The following MPHOSPH8 variants were observed in gnomAD, a reference collection of about 807,000 sequenced individuals.
The protein encoded by MPHOSPH8 is M-phase phosphoprotein 8.
Under a neutral mutation model 87.3 loss-of-function variants are expected in MPHOSPH8, and 45 were observed. The ratio of observed to expected loss-of-function variants is 0.52; its 90% CI spans 0.41 to 0.66. The LOEUF is 0.66. MPHOSPH8 is among the 30% of genes least tolerant of loss of function. MPHOSPH8 has a pLI of 0.00. For missense variants in MPHOSPH8, 883 were observed against 1,020.2 expected (o/e 0.87, Z 1.83); for synonymous variants, 366 against 376.9 (o/e 0.97, Z 0.33).
At chr13:19,650,286 T>G (rs907348598) in intron 5 of MPHOSPH8, 26 bp downstream of exon 5, 2 of 1,605,286 alleles carry the variant, frequency 1.2e-6, no homozygotes, top group African/African-American at 2.7e-5. Context: ...TTTTGCAGAA[T>G]TTTTCAAGGT....
rs189564435 is a variant in MPHOSPH8 at position 19,669,707 on chromosome 13, A to C, written c.2330-529A>C. Reference sequence around the variant, plus strand: ...TGTTCTTAGTAGAGATGGGGGTTTCACCATATTGGCCAGGCTGATCTTGAA... The same window carrying C: ...TGTTCTTAGTAGAGATGGGGGTTTCCCCATATTGGCCAGGCTGATCTTGAA... On this transcript the variant is annotated intron_variant, in intron 11 of 13. Transcript: ENST00000361479. Among the ~76,000 whole-genome samples the C allele has an allele frequency of 5.0e-4, 75 of 151,228 alleles. 2 individuals are homozygous for C. The East Asian group carries it at 0.014, about 28-fold the overall frequency.
chr13:19,653,925 C>T (rs550234713), intron 5 of MPHOSPH8, among the ~76,000 whole-genome samples: 2 of 152,272 alleles, frequency 1.3e-5, no homozygotes, highest in African/African-American at 2.4e-5. Flanking sequence ...ACCAAATCTA[C>T]GTTTAATTAG....
At chr13:19,656,652 C>T (rs1238709428) in intron 5 of MPHOSPH8, among the ~76,000 whole-genome samples, 2 of 151,300 alleles carry the variant, frequency 1.3e-5, no homozygotes, top group South Asian at 2.1e-4. Context: ...CCCAGCTACT[C>T]GGGAGGCTGA....
intron 5 of MPHOSPH8, 147 bp downstream of exon 5, chr13:19,650,407 A>G (rs953827796): frequency 2.4e-5 from 22 of 921,732 alleles, no homozygotes; most frequent in Admixed American, 9.0e-5. Context: ...AACATTTTAT[A>G]TTGAAGACGG....
chr13:19,666,853 A>C (rs555031569), intron 10 of MPHOSPH8, among the ~76,000 whole-genome samples: 101 of 152,286 alleles, frequency 6.6e-4, no homozygotes, highest in Non-Finnish European at 1.2e-3. Flanking sequence ...TTGGTTAGCA[A>C]AGGTTTTCTT....
chr13:19,636,534 A>G, intron 1 of MPHOSPH8, among the ~76,000 whole-genome samples: 1 of 150,736 alleles, frequency 6.6e-6, no homozygotes, highest in East Asian at 2.0e-4. Flanking sequence ...GCTGGAGTGC[A>G]TTGGCATAAT....
chr13:19,641,821 A>G (rs1874309721), intron 1 of MPHOSPH8, among the ~76,000 whole-genome samples: 1 of 151,768 alleles, frequency 6.6e-6, no homozygotes, highest in Admixed American at 6.6e-5. Context: ...TTTAGTAGAG[A>G]CAAGGTTTCA....
chr13:19,651,527 CAAA>C (rs61216914), intron 5 of MPHOSPH8, among the ~76,000 whole-genome samples: 3 of 99,910 alleles, frequency 3.0e-5, no homozygotes, highest in African/African-American at 7.5e-5. Flanking sequence ...ACTCCACCTC[CAAA>C]AAAAAAAAAA....
intron 5 of MPHOSPH8, among the ~76,000 whole-genome samples, chr13:19,657,849 G>T (rs1875281057): frequency 1.3e-5 from 2 of 152,268 alleles, no homozygotes; most frequent in Admixed American, 1.3e-4. Context: ...GGCATAGCAG[G>T]TGGGGGCTTC....
rs1195207331 is a variant in MPHOSPH8 at position 19,646,855 on chromosome 13, A to G, written c.782A>G (p.Gln261Arg). 1 of 1,604,702 alleles carries G rather than the reference A, an allele frequency of 6.2e-7. No homozygotes were observed. The highest frequency in any genetic ancestry group is 1.7e-5 in the Admixed American group (1 of 57,266). The change falls in exon 3 of 14, where the codon CAG (glutamine) becomes CGG (arginine). Residue 261 changes from glutamine to arginine, a missense_variant. Around this residue, in one of 3 missense-constraint regions of MPHOSPH8, gnomAD observed 741 missense variants for 841.5 expected, o/e 0.88. Coordinates refer to ENST00000361479, the MANE Select transcript of MPHOSPH8 (RefSeq NM_017520.4). The part of the protein sequence containing the change: ...KTKKEKFVES[Q>R]VESESSVLND... ...AAAAAAGAAAAATTTGTCGAATCCC[A>G]GGTGGAATCTGAATCAAGTGTACTT...
intron 5 of MPHOSPH8, among the ~76,000 whole-genome samples, chr13:19,653,791 C>A (rs1230137453): frequency 2.0e-5 from 3 of 151,936 alleles, no homozygotes; most frequent in Admixed American, 6.6e-5. Flanking sequence ...AATCGGTAAG[C>A]AGAAGAAAGG....
chr13:19,665,515 G>GTCCCTAACC (rs1320585925), intron 9 of MPHOSPH8, among the ~76,000 whole-genome samples: 1 of 152,086 alleles, frequency 6.6e-6, no homozygotes, highest in Non-Finnish European at 1.5e-5. Flanking sequence ...CCTGGACGGC[G>GTCCCTAACC]TCCCTAACCT....
intron 2 of MPHOSPH8, among the ~76,000 whole-genome samples, chr13:19,643,659 T>G (rs1370992599): frequency 2.0e-5 from 3 of 152,242 alleles, no homozygotes; most frequent in African/African-American, 7.2e-5. Context: ...ATGGGTATTT[T>G]TTTTGGCACC....
At chr13:19,644,047 C>T (rs1194773703) in intron 2 of MPHOSPH8, among the ~76,000 whole-genome samples, 3 of 152,160 alleles carry the variant, frequency 2.0e-5, no homozygotes, top group Non-Finnish European at 4.4e-5. Context: ...GATAAAGTTC[C>T]ACATTCATTT....
At chr13:19,643,749 A>G (rs1209761650) in intron 2 of MPHOSPH8, among the ~76,000 whole-genome samples, 1 of 152,136 alleles carries the variant, frequency 6.6e-6, no homozygotes, top group African/African-American at 2.4e-5. Flanking sequence ...GAACCCCTTC[A>G]TACCAGCCCC....
At position 19,673,424 on chromosome 13, in the gene MPHOSPH8, A is replaced by G. The variant is rs976648224; in HGVS notation, c.*1549A>G. On this transcript the variant is annotated 3_prime_UTR_variant, in exon 14 of 14. Transcript: ENST00000361479. ...ACTGCCTTTTCCTATGGTTTTGTCA[A>G]TAAAACACTATGATGTTGGTCTGTT... is the stretch of plus-strand genomic sequence containing the variant. 1.3e-5 allele frequency: 3 copies of G among 239,858 alleles called. No homozygotes were observed. The highest frequency in any genetic ancestry group is 1.0e-4 in the East Asian group (1 of 9,818). The allele number at this position is 239,858 out of a possible 1,614,324, so 14.9% of individuals were successfully genotyped here. A position where few individuals can be genotyped will look rare whatever the true frequency, so the allele number is the denominator to read the frequency against.
intron 9 of MPHOSPH8, among the ~76,000 whole-genome samples, chr13:19,664,028 G>A (rs1875689926): frequency 6.6e-6 from 1 of 152,112 alleles, no homozygotes; most frequent in Non-Finnish European, 1.5e-5. Context: ...CTGTCGCCCG[G>A]GCTGGAGTGC....
intron 1 of MPHOSPH8, among the ~76,000 whole-genome samples, chr13:19,640,649 G>GT (rs972475407): frequency 1.3e-5 from 2 of 151,966 alleles, no homozygotes; most frequent in Non-Finnish European, 2.9e-5. Context: ...GGGACTCTAG[G>GT]TGCCTACTAC....
chr13:19,656,479 GC>G (rs1402623762), intron 5 of MPHOSPH8, among the ~76,000 whole-genome samples: 1 of 152,066 alleles, frequency 6.6e-6, no homozygotes, highest in Non-Finnish European at 1.5e-5. Flanking sequence ...CAGTTTTCAG[GC>G]CGGGCGCGGT....
Sources: allele counts gnomAD v4.1 joint callset (sites outside exome capture counted in the v4.1 genomes callset), GRCh38; gene constraint gnomAD v4.1.1; regional missense constraint gnomAD v4.1.1; transcripts MANE v1.5; gene names NCBI Gene and HGNC (gene_info 2026-07-23, HGNC 2026-07-21).